Variants in PRRC2B observed in about 807,000 individuals in gnomAD.
PRRC2B encodes protein PRRC2B.
PRRC2B carries 68 observed loss-of-function variants against 242.3 expected under a neutral mutation model. That is an observed-to-expected ratio of 0.28 (90% CI 0.23 to 0.34). PRRC2B has a LOEUF of 0.34. Ranked by LOEUF, PRRC2B falls within the 10% of genes least tolerant of loss-of-function variation. The probability of loss-of-function intolerance (pLI) is 1.00; values close to 1 mark genes in which losing one functional copy is unlikely to be tolerated. For missense variants in PRRC2B, 2,835 were observed against 2,954.8 expected, an observed-to-expected ratio of 0.96 and a Z score of 0.94; for synonymous variants, 1,228 against 1,173.6, an observed-to-expected ratio of 1.05 and a Z score of -0.95.
rs186354014 is a variant in PRRC2B, at chr9:131,416,633, C to T, written c.-51-13461C>T. Among the ~76,000 whole-genome samples the T allele has an allele frequency of 4.9e-3, 738 of 149,314 alleles. 5 individuals are homozygous for T. The highest frequency in any genetic ancestry group is 0.013 in the South Asian group (62 of 4,728). ...TTGTACCCAGTGTCTTTTTTTTTTCCGTTCTAGGATGCCACATTAAATTTA... is the reference window on the plus strand; with the variant it reads ...TTGTACCCAGTGTCTTTTTTTTTTCTGTTCTAGGATGCCACATTAAATTTA... On this transcript the variant is annotated intron_variant, in intron 1 of 31. Transcript: ENST00000683519.
rs1943747188 is a variant in PRRC2B, at chr9:131,477,796, G to A, written c.4459G>A (p.Gly1487Ser). 1 of 1,611,722 alleles carries A rather than the reference G, an allele frequency of 6.2e-7. No homozygotes were observed. The highest frequency in any genetic ancestry group is 1.7e-5 in the Admixed American group (1 of 59,974). ...TCTTAGTGGCTGCAGCAGTGGGAGT[G>A]GCCACTCCCCCTATGCCCTGGAGCG... is the stretch of plus-strand genomic sequence containing the variant. ...GGLSGCSSGS[G>S]HSPYALERAA... The change falls in exon 17 of 32, where the codon GGC becomes AGC. Residue 1487 changes from glycine to serine, a missense_variant. By Grantham distance (56) the Gly-to-Ser change is moderately conservative. Transcript: ENST00000683519.
Position 131,491,563 on chromosome 9 carries a change from C to G in PRRC2B, c.6364C>G (p.Leu2122Val). 6.2e-7 allele frequency: 1 copy of G among 1,611,454 alleles called. No homozygotes were observed. The highest frequency in any genetic ancestry group is 8.5e-7 in the Non-Finnish European group (1 of 1,179,058). Residue 2122 changes from leucine to valine, a missense_variant, in exon 29 of 32, where the codon CTG becomes GTG. Transcript: ENST00000683519. ...IPPPGSQPPVLNTSREPSQME... is the reference protein window; with the variant it reads ...IPPPGSQPPVVNTSREPSQME... ...TCCGCCCGGGTCCCAGCCGCCAGTC[C>G]TGAACACCAGCAGAGAGGTAAGGGG...
rs148969724 is a variant in PRRC2B at position 131,444,075 on chromosome 9, C to T, written c.470-110C>T. On this transcript the variant is annotated intron_variant, in intron 5 of 31. Transcript: ENST00000683519. ...ACAGAGCACCCTTGTGACAAGACTC[C>T]CTTCAAAAGCCCACTTCCAGGCAAC... 22 of 1,269,496 alleles carry T rather than the reference C, an allele frequency of 1.7e-5. No individual in the cohort carries two copies. In the African/African-American group the frequency reaches 2.9e-4, roughly 17 times the overall value. The allele number at this position is 1,269,496 out of a possible 1,614,324, so 78.6% of individuals were successfully genotyped here. A position where few individuals can be genotyped will look rare whatever the true frequency, so the allele number is the denominator to read the frequency against.
Position 131,482,609 on chromosome 9 carries a change from G to A in PRRC2B, c.5175+47G>A. Reference sequence around the variant, plus strand: ...CAGTGGCCAGGGCCTGGGTGGAAGGGGCCATCGTCTCATCATCTTCCTCAA... The same window carrying A: ...CAGTGGCCAGGGCCTGGGTGGAAGGAGCCATCGTCTCATCATCTTCCTCAA... On this transcript the variant is annotated intron_variant, in intron 21 of 31. Coordinates refer to ENST00000683519, the MANE Select transcript of PRRC2B (RefSeq NM_013318.4). The surrounding 1 kb of genome is among the most constrained non-coding windows in gnomAD (Gnocchi z 5.2). The A allele has an allele frequency of 1.3e-6, 2 of 1,542,638 alleles. No individual in the cohort carries two copies. Among genetic ancestry groups the A allele is most frequent in the Non-Finnish European group, 1.8e-6 (2 of 1,141,138 alleles).
rs117228124 is a variant in PRRC2B, at chr9:131,402,335, G to A, written c.-52+8072G>A. 4.3e-3 allele frequency among the ~76,000 whole-genome samples: 651 copies of A among 152,280 alleles called. 11 individuals are homozygous for A. The highest frequency in any genetic ancestry group is 2.7e-3 in the Non-Finnish European group (182 of 68,042). On this transcript the variant is annotated intron_variant, in intron 1 of 31. Coordinates refer to ENST00000683519, the MANE Select transcript of PRRC2B (RefSeq NM_013318.4). ...ATACTCTTAAGTACCTCATGTAAGT[G>A]AGATCATCCAGTATTTGTCATTTTG...
chr9:131,384,698 G>A (rs558651604), intron 1 of PRRC2B, among the ~76,000 whole-genome samples: 3 of 152,078 alleles, frequency 2.0e-5, no homozygotes, highest in Non-Finnish European at 2.9e-5. Flanking sequence ...GATTACAGGC[G>A]TGAGCCACTG....
At chr9:131,445,892 C>G (rs2131387392) in intron 6 of PRRC2B, among the ~76,000 whole-genome samples, 1 of 152,346 alleles carries the variant, frequency 6.6e-6, no homozygotes, top group South Asian at 2.1e-4. Context: ...GTGCCCCACA[C>G]CTCCACTGGA....
Position 131,378,640 on chromosome 9 carries a change from A to G in PRRC2B, c.-56+4909A>G, listed in dbSNP as rs568623653. Among the ~76,000 whole-genome samples the G allele has an allele frequency of 1.2e-4, 18 of 152,194 alleles. 1 individual carries two copies. The highest frequency in any genetic ancestry group is 4.3e-4 in the African/African-American group (18 of 41,530). Reference sequence around the variant, plus strand: ...CTCTCTTCCATTCTCTTCAGAGGAGAAATTAACTAGTGAAATACCAGCTTT... The same window carrying G: ...CTCTCTTCCATTCTCTTCAGAGGAGGAATTAACTAGTGAAATACCAGCTTT... On this transcript the variant is annotated intron_variant, in intron 1 of 1. Transcript: ENST00000682525.
chr9:131,391,828 C>A (rs554031370), upstream of PRRC2B, among the ~76,000 whole-genome samples: 4 of 152,200 alleles, frequency 2.6e-5, no homozygotes, highest in Non-Finnish European at 4.4e-5. Context: ...GCAACCTCCA[C>A]CTCCTGGGTT....
Position 131,481,682 on chromosome 9 carries a change from G to C in PRRC2B, c.4901-44G>C, listed in dbSNP as rs748446330. On this transcript the variant is annotated intron_variant, in intron 19 of 31. Transcript: ENST00000683519. ...TTAAGAGCTCATAAACTCTCTAGAC[G>C]GGTTGCTCTTTGATGCCCTGACTCT... 4.2e-6 allele frequency: 6 copies of C among 1,438,168 alleles called. No homozygotes were observed. In the South Asian group the frequency reaches 7.3e-5, roughly 18 times the overall value. The allele number at this position is 1,438,168 out of a possible 1,614,324, so 89.1% of individuals were successfully genotyped here.
chr9:131,483,416 G>C lies in PRRC2B; in HGVS notation c.5431G>C (p.Val1811Leu). The change falls in exon 23 of 32, where the codon GTT becomes CTT. Residue 1811 changes from valine to leucine, a missense_variant. By Grantham distance (32) the Val-to-Leu change is conservative. This residue lies in a region of PRRC2B where 574 missense variants were observed against 626.0 expected (regional missense o/e 0.92). Transcript: ENST00000683519. The stretch of plus-strand genomic sequence containing the variant: ...CTCTGGTCCTACTGGGAGTCCAGTT[G>C]TTAAACTTCAGGATGCCTTGGCCAG... ...SASGPTGSPV[V>L]KLQDALASNA... The C allele has an allele frequency of 6.2e-7, 1 of 1,613,930 alleles. No homozygotes were observed. The highest frequency in any genetic ancestry group is 8.5e-7 in the Non-Finnish European group (1 of 1,179,892).
rs543728657 is a variant in PRRC2B, at chr9:131,496,151, T to C, written c.*277T>C. On this transcript the variant is annotated 3_prime_UTR_variant, in exon 32 of 32. Coordinates refer to ENST00000683519, the MANE Select transcript of PRRC2B (RefSeq NM_013318.4). ...CGTGACTGTGGAGTGACGCCTCCTG[T>C]GCAGTGCAGATTTGCCCTCCCTGCC... 1.6e-5 allele frequency: 6 copies of C among 386,330 alleles called. No homozygotes were observed. Among genetic ancestry groups the C allele is most frequent in the East Asian group, 1.3e-4 (3 of 22,956 alleles). 23.9% of individuals were successfully genotyped at this position (386,330 alleles called of 1,614,324 possible).
chr9:131,448,561 A>ACAAAAAAAAAAAAAAAAAAAAAAGG (rs71372733), intron 9 of PRRC2B, among the ~76,000 whole-genome samples: 2 of 142,868 alleles, frequency 1.4e-5, no homozygotes, highest in African/African-American at 2.5e-5. Flanking sequence ...AAAAAAAAAA[A>ACAAAAAAAAAAAAAAAAAAAAAAGG]AAAAAAAAAG....
In PRRC2B at chr9:131,499,580, G is replaced by C. The variant is rs1944414823; in HGVS notation, c.*3706G>C. 2 of 152,244 alleles carry C rather than the reference G, an allele frequency of 1.3e-5. No homozygotes were observed. 9.4% of individuals were successfully genotyped at this position (152,244 alleles called of 1,614,324 possible). ...AGGACAGGAGTGGCTCAGTGTTGGG[G>C]ATGGACGCTGTCGCCCAGCCATGCT... On this transcript the variant is annotated 3_prime_UTR_variant, in exon 32 of 32. Transcript: ENST00000683519.
In PRRC2B at chr9:131,483,357, A is replaced by G; in HGVS notation, c.5374-2A>G. The G allele has an allele frequency of 6.2e-7, 1 of 1,613,708 alleles. No homozygotes were observed. Among genetic ancestry groups the G allele is most frequent in the South Asian group, 1.1e-5 (1 of 91,062 alleles). On this transcript the variant is annotated splice_acceptor_variant, in intron 22 of 31. Transcript: ENST00000683519. LOFTEE classifies it high-confidence loss of function. Reference sequence around the variant, plus strand: ...GCTGTGTGGCCTTTTTTATTTTTTCAGGACTCCGATTTCAGCTTGCCACCT... The same window carrying G: ...GCTGTGTGGCCTTTTTTATTTTTTCGGGACTCCGATTTCAGCTTGCCACCT...
At chr9:131,471,274 G>A (rs985440959) in intron 14 of PRRC2B, among the ~76,000 whole-genome samples, 1 of 152,108 alleles carries the variant, frequency 6.6e-6, no homozygotes, top group African/African-American at 2.4e-5. Flanking sequence ...TGTTCTTTGT[G>A]CTGTCTCTTT....
chr9:131,391,289 C>G (rs550291214), upstream of PRRC2B, among the ~76,000 whole-genome samples: 50 of 152,140 alleles, frequency 3.3e-4, 1 homozygote, highest in South Asian at 9.8e-3. Flanking sequence ...TTTGTAGCTT[C>G]TAGAGGCAGC....
Position 131,479,523 on chromosome 9 carries a change from T to C in PRRC2B, c.4900+130T>C, listed in dbSNP as rs1414300310. The C allele has an allele frequency of 1.8e-5, 16 of 887,804 alleles. No homozygotes were observed. The Admixed American group carries it at 4.5e-4, about 25-fold the overall frequency. 55.0% of individuals were successfully genotyped at this position (887,804 alleles called of 1,614,324 possible). A position where few individuals can be genotyped will look rare whatever the true frequency, so the allele number is the denominator to read the frequency against. On this transcript the variant is annotated intron_variant, in intron 19 of 31. Coordinates refer to ENST00000683519, the MANE Select transcript of PRRC2B (RefSeq NM_013318.4). Reference sequence around the variant, plus strand: ...ATACAGATGGAGTACCTGTTTGCTGTGTTCCGCTGCTGAGCTAGTCGCTGA... The same window carrying C: ...ATACAGATGGAGTACCTGTTTGCTGCGTTCCGCTGCTGAGCTAGTCGCTGA...
chr9:131,439,118 C>G (rs1588251524), intron 5 of PRRC2B, 57 bp downstream of exon 5: 2 of 1,464,910 alleles, frequency 1.4e-6, no homozygotes, highest in East Asian at 2.3e-5. Context: ...AGGTGAATGC[C>G]TTTTCCAGAA....
Sources: allele counts gnomAD v4.1 joint callset (sites outside exome capture counted in the v4.1 genomes callset), GRCh38; gene constraint gnomAD v4.1.1; regional missense constraint gnomAD v4.1.1; non-coding constraint Gnocchi (gnomAD v3.1); transcripts MANE v1.5; gene names NCBI Gene and HGNC (gene_info 2026-07-23, HGNC 2026-07-21).